DLGAP1: variants seen among roughly 807,000 people sequenced by gnomAD.
DLGAP1 encodes the protein DLG associated protein 1, also known as disks large-associated protein 1.
A neutral mutation model predicts 90.8 loss-of-function variants in DLGAP1; 11 were observed. That is an observed-to-expected ratio of 0.12 (90% CI 0.08 to 0.20). DLGAP1 has a LOEUF of 0.20. Among genes scored for constraint, DLGAP1 ranks in the 10% least tolerant of loss-of-function variants. The probability of loss-of-function intolerance (pLI) is 1.00; values close to 1 mark genes in which losing one functional copy is unlikely to be tolerated. For missense variants in DLGAP1, 1,050 were observed against 1,333.8 expected (o/e 0.79, Z 3.31); for synonymous variants, 558 against 540.7 (o/e 1.03, Z -0.44).
intron 3 of DLGAP1, among the ~76,000 whole-genome samples, chr18:3,989,690 A>C (rs1424545966): frequency 6.6e-6 from 1 of 152,232 alleles, no homozygotes; most frequent in Non-Finnish European, 1.5e-5. Context: ...ATCAGAGTGA[A>C]CAGGCAACCT....
At chr18:3,563,413 C>T (rs953342452) in intron 9 of DLGAP1, among the ~76,000 whole-genome samples, 11 of 151,902 alleles carry the variant, frequency 7.2e-5, no homozygotes, top group African/African-American at 2.4e-4. Context: ...TGTAAAGTTA[C>T]ACCTGTTGTA....
At chr18:4,034,704 T>A (rs540292902) in intron 2 of DLGAP1, among the ~76,000 whole-genome samples, 2 of 152,194 alleles carry the variant, frequency 1.3e-5, no homozygotes, top group Non-Finnish European at 2.9e-5. Context: ...GTGAACCCTG[T>A]CTCACTAACA....
chr18:3,971,764 C>G (rs941268475), intron 3 of DLGAP1, among the ~76,000 whole-genome samples: 1 of 152,176 alleles, frequency 6.6e-6, no homozygotes, highest in Non-Finnish European at 1.5e-5. Flanking sequence ...TTTAGAAAAT[C>G]TTGTTCTCTA....
At chr18:3,689,994 C>G (rs973979374) in intron 7 of DLGAP1, among the ~76,000 whole-genome samples, 3 of 140,330 alleles carry the variant, frequency 2.1e-5, no homozygotes, top group Non-Finnish European at 1.5e-5. Context: ...GGCCAGCAAG[C>G]CTCCCCCTTG....
At chr18:4,027,088 T>G (rs893333060) in intron 2 of DLGAP1, among the ~76,000 whole-genome samples, 4 of 152,090 alleles carry the variant, frequency 2.6e-5, no homozygotes, top group Non-Finnish European at 5.9e-5. Flanking sequence ...ACAATAGCAG[T>G]AGGATAGGGT....
At chr18:3,649,708 A>G (rs932329898) in intron 7 of DLGAP1, among the ~76,000 whole-genome samples, 2 of 152,100 alleles carry the variant, frequency 1.3e-5, no homozygotes, top group African/African-American at 4.8e-5. Context: ...TCCCCCTTAA[A>G]CTTTCTTCTA....
rs376222445 is a variant in DLGAP1 at position 4,090,083 on chromosome 18, A to G, written c.-159+61097T>C. Reference sequence around the variant, plus strand: ...AAACTGGACCCCTTCCTTACATCTTAAACAAAAATTAACTCAAGATAGATT... The same window carrying G: ...AAACTGGACCCCTTCCTTACATCTTGAACAAAAATTAACTCAAGATAGATT... On this transcript the variant is annotated intron_variant, in intron 2 of 12. Transcript: ENST00000315677. Among the ~76,000 whole-genome samples the G allele has an allele frequency of 2.1e-3, 315 of 152,240 alleles. 9 individuals are homozygous for G. In the South Asian group the frequency reaches 0.041, roughly 20 times the overall value.
At position 3,710,514 on chromosome 18, in the gene DLGAP1, C is replaced by T. The variant is rs140307399; in HGVS notation, c.1591+18621G>A. On this transcript the variant is annotated intron_variant, in intron 7 of 12. Transcript: ENST00000315677. ...TTCCCAGAAAAGCTCCCGTCAAGGA[C>T]GGTGTCAATGACTGTGGAGAGGAAA... Among the ~76,000 whole-genome samples the T allele has an allele frequency of 3.1e-4, 47 of 152,320 alleles. No homozygotes were observed. The East Asian group carries it at 4.8e-3, about 16-fold the overall frequency.
At chr18:3,949,552 C>T (rs1222504929) in intron 3 of DLGAP1, among the ~76,000 whole-genome samples, 2 of 152,168 alleles carry the variant, frequency 1.3e-5, no homozygotes, top group African/African-American at 4.8e-5. Flanking sequence ...GATGTGGGTT[C>T]TGCCTTCCTC....
chr18:3,534,477 G>A lies in DLGAP1; in HGVS notation c.2196C>T (p.Arg732=), dbSNP rs746866598. ...CPGPMARQFS[R]DASTSTVSIQ... is the part of the protein sequence containing the mutation. ...TGCTGACTGTGGAGGTGCTGGCATC[G>A]CGGGAGAACTGTCTGGCCATGGGGC... is the stretch of plus-strand genomic sequence containing the variant. Residue 732 remains arginine, a synonymous_variant, in exon 10 of 13, where the codon CGC becomes CGT. Transcript: ENST00000315677. 10 of 1,614,080 alleles carry A rather than the reference G, an allele frequency of 6.2e-6. No individual in the cohort carries two copies. The highest frequency in any genetic ancestry group is 1.6e-4 in the Middle Eastern group (1 of 6,084).
intron 7 of DLGAP1, chr18:3,608,339 T>C (rs75911699): frequency 3.2e-5 from 2 of 61,610 alleles, no homozygotes; most frequent in East Asian, 6.3e-4. Context: ...AAAAAAAAGA[T>C]GAGCTCACAC....
At chr18:4,436,238 C>A (rs1567921153) in intron 1 of DLGAP1, among the ~76,000 whole-genome samples, 1 of 151,640 alleles carries the variant, frequency 6.6e-6, no homozygotes, top group Non-Finnish European at 1.5e-5. Flanking sequence ...AGAAACAATT[C>A]CAAAGCATGA....
intron 1 of DLGAP1, among the ~76,000 whole-genome samples, chr18:4,204,418 A>G (rs1320490587): frequency 3.3e-5 from 5 of 152,188 alleles, no homozygotes; most frequent in Admixed American, 2.6e-4. Context: ...TTTCAAAAAT[A>G]TCATTAATTC....
intron 7 of DLGAP1, among the ~76,000 whole-genome samples, chr18:3,665,985 A>C (rs1212774462): frequency 6.6e-6 from 1 of 152,210 alleles, no homozygotes; most frequent in Non-Finnish European, 1.5e-5. Context: ...AGCTGGAAAC[A>C]AAACACAGGC....
chr18:3,537,628 C>T (rs939575329), intron 9 of DLGAP1, among the ~76,000 whole-genome samples: 6 of 152,086 alleles, frequency 3.9e-5, no homozygotes, highest in African/African-American at 1.2e-4. Flanking sequence ...ATATATATCC[C>T]GAGGTAGAAC....
Position 3,864,283 on chromosome 18 carries a change from C to T in DLGAP1, c.957+14829G>A, listed in dbSNP as rs150258229. ...CGCTTAGTTCTATTCATCTATTCATCTAATAACACCTTCAAAAACATACAA... is the reference window on the plus strand; with the variant it reads ...CGCTTAGTTCTATTCATCTATTCATTTAATAACACCTTCAAAAACATACAA... On this transcript the variant is annotated intron_variant, in intron 4 of 12. Transcript: ENST00000315677. 8.0e-3 allele frequency among the ~76,000 whole-genome samples: 1,217 copies of T among 152,310 alleles called. 53 individuals carry two copies. The highest frequency in any genetic ancestry group is 0.065 in the Admixed American group (997 of 15,306).
intron 1 of DLGAP1, among the ~76,000 whole-genome samples, chr18:4,388,520 C>T (rs909314807): frequency 1.3e-5 from 2 of 152,072 alleles, no homozygotes; most frequent in African/African-American, 4.8e-5. Flanking sequence ...AGTTCAGGAA[C>T]AGAACCATTA....
chr18:3,499,879 C>A lies in DLGAP1; in HGVS notation c.2725-485G>T, dbSNP rs568396667. Among the ~76,000 whole-genome samples, 1 of 152,272 alleles carries A rather than the reference C, an allele frequency of 6.6e-6. No homozygotes were observed. The highest frequency in any genetic ancestry group is 2.1e-4 in the South Asian group (1 of 4,826). ...TCTGTCCCCGGCCCGCCCACCGTCCCCTTCCCACCAAACCTAAATAAACAG... is the reference window on the plus strand; with the variant it reads ...TCTGTCCCCGGCCCGCCCACCGTCCACTTCCCACCAAACCTAAATAAACAG... On this transcript the variant is annotated intron_variant, in intron 12 of 12. Transcript: ENST00000315677. This position sits in a 1 kb window ranked among gnomAD's most constrained non-coding sequence, Gnocchi z 6.4.
chr18:3,697,122 T>C (rs2061121677), intron 7 of DLGAP1, among the ~76,000 whole-genome samples: 1 of 152,206 alleles, frequency 6.6e-6, no homozygotes, highest in African/African-American at 2.4e-5. Flanking sequence ...GTCTATTTTG[T>C]TAATCTTTTC....
Sources: gnomAD v4.1 joint callset for allele counts (sites outside exome capture counted in the v4.1 genomes callset) on GRCh38, gnomAD v4.1.1 for gene constraint, Gnocchi (gnomAD v3.1) non-coding constraint, MANE v1.5 for transcripts, NCBI Gene and HGNC (gene_info 2026-07-23, HGNC 2026-07-21) for gene names.